Variants in MACF1 observed in about 807,000 individuals in gnomAD.
The protein encoded by MACF1 is microtubule actin crosslinking factor 1.
Under a neutral mutation model 854.8 loss-of-function variants are expected in MACF1, and 193 were observed. The ratio of observed to expected loss-of-function variants is 0.23; its 90% confidence interval spans 0.20 to 0.25. The LOEUF (loss-of-function observed/expected upper bound fraction) is 0.25. Among genes scored for constraint, MACF1 ranks in the 10% least tolerant of loss-of-function variants. The pLI is 1.00. For missense variants in MACF1, 7,722 were observed against 8,929.1 expected, an observed-to-expected ratio of 0.86 and a Z score of 5.45; for synonymous variants, 3,185 against 3,226.7, an observed-to-expected ratio of 0.99 and a Z score of 0.44.
intron 2 of MACF1, among the ~76,000 whole-genome samples, chr1:39,234,266 G>A (rs1260328448): frequency 1.3e-5 from 2 of 151,982 alleles, no homozygotes; most frequent in African/African-American, 4.8e-5. Context: ...CCACAAAGCC[G>A]CCATTGTCAT....
intron 58 of MACF1, chr1:39,412,030 C>T: frequency 1.2e-6 from 2 of 1,613,938 alleles, no homozygotes; most frequent in Non-Finnish European, 8.5e-7. Flanking sequence ...GTCCAGACAG[C>T]CAGCTGATCT....
chr1:39,105,598 T>A lies in MACF1; in HGVS notation c.220+21160T>A, dbSNP rs2148136423. ...GCCTGGAACCGGCAGCCCCCGGGGC[T>A]CGGCGAGAAGGCGGTGCGGGCGGCC... On this transcript the variant is annotated intron_variant, in intron 2 of 93. Transcript: ENST00000361689. The surrounding 1 kb of genome is among the most constrained non-coding windows in gnomAD (Gnocchi z 5.9). The A allele has an allele frequency of 8.3e-7, 1 of 1,211,450 alleles. No individual in the cohort carries two copies. The highest frequency in any genetic ancestry group is 1.7e-5 in the African/African-American group (1 of 59,614). The allele number at this position is 1,211,450 out of a possible 1,614,324, so 75.0% of individuals were successfully genotyped here. A position where few individuals can be genotyped will look rare whatever the true frequency, so the allele number is the denominator to read the frequency against.
chr1:39,224,648 GGA>G (rs1644692034), intron 1 of MACF1, among the ~76,000 whole-genome samples: 1 of 152,110 alleles, frequency 6.6e-6, no homozygotes, highest in South Asian at 2.1e-4. Context: ...GAAGCCAACA[GGA>G]GAGAACCAGG....
At chr1:39,147,502 T>TCTTTCTTTTCCTC (rs144827519) in intron 2 of MACF1, among the ~76,000 whole-genome samples, 1 of 150,710 alleles carries the variant, frequency 6.6e-6, no homozygotes, top group Non-Finnish European at 1.5e-5. Context: ...TTCCCTTCTT[T>TCTTTCTTTTCCTC]CTTTCTTTTC....
intron 2 of MACF1, among the ~76,000 whole-genome samples, chr1:39,245,539 A>G (rs1417279856): frequency 6.6e-6 from 1 of 152,152 alleles, no homozygotes; most frequent in African/African-American, 2.4e-5. Flanking sequence ...TCAGCCTCCC[A>G]AATTGGTGGT....
chr1:39,170,569 A>G (rs943978302), intron 2 of MACF1, among the ~76,000 whole-genome samples: 1 of 152,238 alleles, frequency 6.6e-6, no homozygotes. Context: ...GACAAATGAC[A>G]AGAAGAGGGA....
intron 97 of MACF1, among the ~76,000 whole-genome samples, chr1:39,470,654 G>A (rs1430338827): frequency 6.6e-6 from 1 of 152,084 alleles, no homozygotes; most frequent in Non-Finnish European, 1.5e-5. Context: ...CTACAAAAAA[G>A]TAATTTTGAA....
At chr1:39,130,982 C>T (rs1375520537) in intron 2 of MACF1, among the ~76,000 whole-genome samples, 2 of 151,484 alleles carry the variant, frequency 1.3e-5, no homozygotes, top group African/African-American at 2.4e-5. Context: ...GCTGGGATTA[C>T]AGGCATTACA....
chr1:39,461,968 T>C lies in MACF1; in HGVS notation c.21609T>C (p.Phe7203=), dbSNP rs917366387. Residue 7203 remains phenylalanine (F), a synonymous_variant, in exon 93 of 101, where the codon TTT becomes TTC. Transcript: ENST00000564288. The part of the protein sequence containing the change: ...DGDGYIDYYE[F]VAALHPNKDA... ...ATGGTTACATTGATTATTATGAATTTGTGGCTGCTCTTCATCCCAACAAGG... is the reference window on the plus strand; with the variant it reads ...ATGGTTACATTGATTATTATGAATTCGTGGCTGCTCTTCATCCCAACAAGG... The C allele has an allele frequency of 6.2e-7, 1 of 1,613,996 alleles. No homozygotes were observed. The highest frequency in any genetic ancestry group is 1.3e-5 in the African/African-American group (1 of 74,906).
rs1421228581 is a variant in MACF1, at chr1:39,471,319, A to G, written c.21958+1704A>G. On this transcript the variant is annotated intron_variant, in intron 97 of 100. Coordinates refer to ENST00000564288, the MANE Select transcript of MACF1 (RefSeq NM_001394062.1). ...TACTTGAAACTATATTGGAAGTTCT[A>G]TAAGGATTAATGTGGCTTCTGGAAA... Among the ~76,000 whole-genome samples, 6 of 152,222 alleles carry G rather than the reference A, an allele frequency of 3.9e-5. 1 individual carries two copies. The East Asian group carries it at 9.6e-4, about 24-fold the overall frequency.
At position 39,442,801 on chromosome 1, in the gene MACF1, G is replaced by A. The variant is rs1644146541; in HGVS notation, c.19192G>A (p.Asp6398Asn). The A allele has an allele frequency of 6.2e-7, 1 of 1,614,074 alleles. No homozygotes were observed. Among genetic ancestry groups the A allele is most frequent in the Admixed American group, 1.7e-5 (1 of 60,014 alleles). Residue 6398 changes from aspartate to asparagine, a missense_variant, in exon 78 of 101, where the codon GAT (aspartate) becomes AAT (asparagine). Physicochemically the swap from Asp to Asn is conservative, Grantham distance 23 (BLOSUM62 1). Transcript: ENST00000564288. ...GNELLESSAG[D>N]DASSLRSRLE... ...TGAGCTTCTTGAATCCAGTGCTGGA[G>A]ATGATGCCAGCAGCTTAAGGAGCCG... is the stretch of plus-strand genomic sequence containing the variant.
chr1:39,422,307 GTC>G, intron 58 of MACF1, 65 bp from the exon 59 acceptor site: 1 of 1,270,610 alleles, frequency 7.9e-7, no homozygotes, highest in Non-Finnish European at 1.1e-6. Flanking sequence ...AGAATAACCA[GTC>G]TCTGCGTGGT....
chr1:39,321,201 C>G (rs1646509707), intron 31 of MACF1, among the ~76,000 whole-genome samples: 1 of 152,162 alleles, frequency 6.6e-6, no homozygotes, highest in South Asian at 2.1e-4. Flanking sequence ...GAATTGAGTT[C>G]AAACCCTTCA....
chr1:39,269,000 TCGGGGG>T (rs1435905363), intron 6 of MACF1: 1 of 1,287,340 alleles, frequency 7.8e-7, no homozygotes, highest in South Asian at 1.2e-5. Flanking sequence ...GGGTAGTCGA[TCGGGGG>T]ATGATAGTAC....
At position 39,342,420 on chromosome 1, in the gene MACF1, C is replaced by T. The variant is rs139416640; in HGVS notation, c.10581+1467C>T. On this transcript the variant is annotated intron_variant, in intron 40 of 100. Coordinates refer to ENST00000564288, the MANE Select transcript of MACF1 (RefSeq NM_001394062.1). Reference sequence around the variant, plus strand: ...ATTCCTTTGGGTATATACCCAATAACGGGATAGCTAGGTCAAATGGTAATT... The same window carrying T: ...ATTCCTTTGGGTATATACCCAATAATGGGATAGCTAGGTCAAATGGTAATT... Among the ~76,000 whole-genome samples, 1,249 of 152,128 alleles carry T rather than the reference C, an allele frequency of 8.2e-3. 10 individuals carry two copies. The highest frequency in any genetic ancestry group is 0.02 in the Middle Eastern group (6 of 294).
intron 1 of MACF1, among the ~76,000 whole-genome samples, chr1:39,209,653 G>C (rs1385454590): frequency 6.6e-6 from 1 of 151,772 alleles, no homozygotes; most frequent in Non-Finnish European, 1.5e-5. Context: ...TTTATTTAAA[G>C]CAGTTCCCTT....
At chr1:39,266,702 G>C (rs1361016004) in intron 6 of MACF1, among the ~76,000 whole-genome samples, 1 of 139,386 alleles carries the variant, frequency 7.2e-6, no homozygotes, top group Non-Finnish European at 1.5e-5. Context: ...ACTGCTTTCT[G>C]CTGTGTGGCC....
chr1:39,413,080 GC>G, intron 58 of MACF1: 1 of 1,602,468 alleles, frequency 6.2e-7, no homozygotes. Flanking sequence ...TGTTGCAGCA[GC>G]CATCACACAG....
intron 40 of MACF1, among the ~76,000 whole-genome samples, chr1:39,344,577 G>A (rs1434331664): frequency 1.3e-5 from 2 of 152,122 alleles, no homozygotes; most frequent in African/African-American, 2.4e-5. Context: ...CAGGGGTTAC[G>A]TTTCTCCTCC....
Sources: gnomAD v4.1 joint callset for allele counts (sites outside exome capture counted in the v4.1 genomes callset) on GRCh38, gnomAD v4.1.1 for gene constraint, Gnocchi (gnomAD v3.1) non-coding constraint, MANE v1.5 for transcripts, NCBI Gene and HGNC (gene_info 2026-07-23, HGNC 2026-07-21) for gene names.